MACO1: variants seen among roughly 807,000 people sequenced by gnomAD.
MACO1 encodes macoilin 1.
MACO1 carries 14 observed loss-of-function variants against 78.7 expected under a neutral mutation model. That is an observed-to-expected ratio of 0.18 (90% CI 0.12 to 0.28). The LOEUF is 0.28. Among genes scored for constraint, MACO1 ranks in the 10% least tolerant of loss-of-function variants. The pLI is 1.00. For synonymous variants in MACO1, 288 were observed against 291.6 expected (o/e 0.99, Z 0.12); for missense variants, 501 against 799.0 (o/e 0.63, Z 4.50).
At chr1:25,442,752 C>T (rs1453891978) in intron 1 of MACO1, among the ~76,000 whole-genome samples, 1 of 152,074 alleles carries the variant, frequency 6.6e-6, no homozygotes, top group African/African-American at 2.4e-5. Flanking sequence ...TTGATAGAGT[C>T]ACCACCATTA....
chr1:25,440,284 A>C (rs1301808044), intron 1 of MACO1, among the ~76,000 whole-genome samples: 7 of 151,044 alleles, frequency 4.6e-5, no homozygotes, highest in Admixed American at 6.6e-5. Context: ...CCGTAGTCCT[A>C]ATTACTCTGG....
intron 6 of MACO1, among the ~76,000 whole-genome samples, chr1:25,481,695 G>GT (rs765808671): frequency 6.6e-6 from 1 of 152,200 alleles, no homozygotes; most frequent in Non-Finnish European, 1.5e-5. Context: ...TATGGTGATG[G>GT]TATAAATGCC....
intron 10 of MACO1, among the ~76,000 whole-genome samples, chr1:25,494,026 C>T (rs1338305304): frequency 2.0e-5 from 3 of 152,162 alleles, no homozygotes; most frequent in Admixed American, 1.3e-4. Flanking sequence ...CCACCGTGCC[C>T]GGCCAGATAG....
chr1:25,472,716 T>TC (rs2043285080), intron 6 of MACO1, among the ~76,000 whole-genome samples: 1 of 151,950 alleles, frequency 6.6e-6, no homozygotes, highest in South Asian at 2.1e-4. Flanking sequence ...CTTTGGGGGT[T>TC]CCCCTAGCTG....
At chr1:25,483,341 G>A (rs2043397819) in intron 6 of MACO1, among the ~76,000 whole-genome samples, 1 of 152,218 alleles carries the variant, frequency 6.6e-6, no homozygotes, top group African/African-American at 2.4e-5. Context: ...ATGAGCCACT[G>A]CGCCTGGCCG....
chr1:25,465,688 A>G (rs955568268), intron 6 of MACO1, among the ~76,000 whole-genome samples: 2 of 152,182 alleles, frequency 1.3e-5, no homozygotes, highest in Admixed American at 1.3e-4. Flanking sequence ...TAGATTGTGT[A>G]TTGGTCAAGT....
chr1:25,441,469 G>GC (rs2042972282), intron 1 of MACO1, among the ~76,000 whole-genome samples: 1 of 152,226 alleles, frequency 6.6e-6, no homozygotes, highest in South Asian at 2.1e-4. Context: ...ATAGGCGTGA[G>GC]CCACTGCTCC....
Position 25,431,032 on chromosome 1 carries a change from A to C in MACO1, c.-67A>C. ...GTCCAGGCCCGACGCGGGGCGGGCCAGCGGCGGCGGCAGCTGAGGTGAGAG... is the reference window on the plus strand; with the variant it reads ...GTCCAGGCCCGACGCGGGGCGGGCCCGCGGCGGCGGCAGCTGAGGTGAGAG... On this transcript the variant is annotated 5_prime_UTR_variant, in exon 1 of 11. Transcript: ENST00000374343. The C allele has an allele frequency of 8.5e-7, 1 of 1,172,754 alleles. No individual in the cohort carries two copies. The highest frequency in any genetic ancestry group is 2.5e-4 in the Middle Eastern group (1 of 3,924). 72.6% of individuals were successfully genotyped at this position (1,172,754 alleles called of 1,614,324 possible). A position where few individuals can be genotyped will look rare whatever the true frequency, so the allele number is the denominator to read the frequency against.
At chr1:25,435,317 G>T (rs767179860) in intron 1 of MACO1, among the ~76,000 whole-genome samples, 9 of 152,046 alleles carry the variant, frequency 5.9e-5, no homozygotes, top group Non-Finnish European at 8.8e-5. Flanking sequence ...GCAGCTTAAT[G>T]CCTTAAAACT....
chr1:25,472,370 C>G (rs1011975569), intron 6 of MACO1, among the ~76,000 whole-genome samples: 2 of 151,982 alleles, frequency 1.3e-5, no homozygotes, highest in African/African-American at 4.8e-5. Flanking sequence ...CCCTAGCCCC[C>G]CACCCCTCAA....
chr1:25,455,115 TCC>T (rs2043108409), intron 4 of MACO1, among the ~76,000 whole-genome samples: 1 of 152,214 alleles, frequency 6.6e-6, no homozygotes, highest in Non-Finnish European at 1.5e-5. Flanking sequence ...AGGTAATGAT[TCC>T]AGAAGGTCTT....
chr1:25,461,617 G>A (rs2043173383), intron 6 of MACO1, among the ~76,000 whole-genome samples: 1 of 151,884 alleles, frequency 6.6e-6, no homozygotes, highest in South Asian at 2.1e-4. Context: ...TCCAATAATG[G>A]GAGAAATTTA....
chr1:25,445,594 C>CT (rs1252252717), intron 1 of MACO1, among the ~76,000 whole-genome samples: 1 of 150,046 alleles, frequency 6.7e-6, no homozygotes, highest in Non-Finnish European at 1.5e-5. Context: ...TATTATTTTA[C>CT]TTTAAGTTCT....
chr1:25,456,234 G>T (rs1215330269), intron 4 of MACO1, among the ~76,000 whole-genome samples: 1 of 151,072 alleles, frequency 6.6e-6, no homozygotes, highest in East Asian at 1.9e-4. Context: ...CTCCAGCCTG[G>T]GCAACAGAGC....
chr1:25,491,418 G>T lies in MACO1; in HGVS notation c.1626G>T (p.Arg542=). ...RELELKVQEL[R]KYKENEKDTE... ...TTTGATGATATTGATAGGAGCTTCG[G>T]AAATATAAGGAAAATGAGAAGGACA... is the stretch of plus-strand genomic sequence containing the variant. Residue 542 remains arginine, a synonymous_variant, in exon 10 of 11, where the codon CGG becomes CGT. Coordinates refer to ENST00000374343, the MANE Select transcript of MACO1 (RefSeq NM_018202.6). 6.2e-7 allele frequency: 1 copy of T among 1,614,154 alleles called. No individual in the cohort carries two copies. The highest frequency in any genetic ancestry group is 8.5e-7 in the Non-Finnish European group (1 of 1,180,020).
At chr1:25,457,229 C>T (rs1340461605) in intron 5 of MACO1, among the ~76,000 whole-genome samples, 1 of 151,902 alleles carries the variant, frequency 6.6e-6, no homozygotes, top group Non-Finnish European at 1.5e-5. Flanking sequence ...CCTCAGCCTC[C>T]TGAGCAGCTG....
intron 6 of MACO1, among the ~76,000 whole-genome samples, chr1:25,479,893 G>A (rs2043355933): frequency 6.6e-6 from 1 of 152,154 alleles, no homozygotes; most frequent in South Asian, 2.1e-4. Context: ...AGCTGTATAT[G>A]TGGTACTCTC....
intron 3 of MACO1, among the ~76,000 whole-genome samples, chr1:25,451,070 A>G (rs1188189714): frequency 1.4e-5 from 2 of 141,036 alleles, no homozygotes; most frequent in African/African-American, 6.4e-5. Flanking sequence ...ATAAAATGCT[A>G]CTGGCCCATC....
chr1:25,483,662 G>A (rs929860952), intron 6 of MACO1, among the ~76,000 whole-genome samples: 1 of 152,162 alleles, frequency 6.6e-6, no homozygotes, highest in African/African-American at 2.4e-5. Flanking sequence ...TAGGCCCATG[G>A]TGGGACGCAG....
Sources: gnomAD v4.1 joint callset for allele counts (sites outside exome capture counted in the v4.1 genomes callset) on GRCh38, gnomAD v4.1.1 for gene constraint, MANE v1.5 for transcripts, NCBI Gene and HGNC (gene_info 2026-07-23, HGNC 2026-07-21) for gene names.